The following CNTNAP2 variants were observed in gnomAD, a reference collection of about 807,000 sequenced individuals.
The protein encoded by CNTNAP2 is contactin associated protein 2, also known as contactin-associated protein-like 2.
Under a neutral mutation model 155.2 loss-of-function variants are expected in CNTNAP2, and 98 were observed. The observed-to-expected ratio is 0.63, with a 90% CI of 0.54 to 0.75. The LOEUF (loss-of-function observed/expected upper bound fraction) is 0.75. Ranked by LOEUF, CNTNAP2 falls within the 30% of genes least tolerant of loss-of-function variation. The pLI, the probability that CNTNAP2 is intolerant of heterozygous loss-of-function variation, is 0.00. For missense variants in CNTNAP2, 1,727 were observed against 1,688.1 expected, an observed-to-expected ratio of 1.02 and a Z score of -0.40; for synonymous variants, 651 against 631.2, an observed-to-expected ratio of 1.03 and a Z score of -0.47.
At chr7:146,685,542 A>G (rs1259749323) in intron 1 of CNTNAP2, among the ~76,000 whole-genome samples, 1 of 152,178 alleles carries the variant, frequency 6.6e-6, no homozygotes, top group East Asian at 1.9e-4. Context: ...TTTTGTGACT[A>G]TCTTGAGAAG....
intron 12 of CNTNAP2, among the ~76,000 whole-genome samples, chr7:147,613,124 T>C (rs965690252): frequency 5.9e-5 from 9 of 152,330 alleles, no homozygotes; most frequent in African/African-American, 2.2e-4. Flanking sequence ...AATCAGGGTA[T>C]AGGTGTTCAT....
In CNTNAP2 at chr7:147,643,362, T is replaced by A. The variant is rs75351264; in HGVS notation, c.2098+4056T>A. 4 of 152,322 alleles carry A rather than the reference T, an allele frequency of 2.6e-5. No homozygotes were observed. The East Asian group carries it at 7.7e-4, about 29-fold the overall frequency. The allele number at this position is 152,322 out of a possible 1,614,324, so 9.4% of individuals were successfully genotyped here. A position where few individuals can be genotyped will look rare whatever the true frequency, so the allele number is the denominator to read the frequency against. ...CAGCTTACCCTTCTGAGTCATTTTT[T>A]ACACTCCCAATTTTCATTTTCCAGG... On this transcript the variant is annotated intron_variant, in intron 13 of 23. Coordinates refer to ENST00000361727, the MANE Select transcript of CNTNAP2 (RefSeq NM_014141.6).
chr7:147,359,578 T>G (rs762947692), intron 9 of CNTNAP2, among the ~76,000 whole-genome samples: 7 of 152,150 alleles, frequency 4.6e-5, no homozygotes, highest in Middle Eastern at 3.2e-3. Context: ...TTGGAATGTT[T>G]CTGACCCACC....
At chr7:146,459,047 A>G (rs1261041898) in intron 1 of CNTNAP2, among the ~76,000 whole-genome samples, 1 of 152,134 alleles carries the variant, frequency 6.6e-6, no homozygotes, top group Non-Finnish European at 1.5e-5. Flanking sequence ...GCACTACTTA[A>G]CAATCAGAAG....
At chr7:147,861,382 C>CA (rs11449635) in intron 13 of CNTNAP2, among the ~76,000 whole-genome samples, 91,960 of 152,004 alleles carry the variant, frequency 0.6, 28,153 homozygotes, top group South Asian at 0.74. Flanking sequence ...CCTCATAACA[C>CA]AAAGGACAGA....
intron 1 of CNTNAP2, among the ~76,000 whole-genome samples, chr7:146,571,843 C>T (rs909732785): frequency 5.3e-5 from 8 of 151,926 alleles, no homozygotes; most frequent in Admixed American, 4.6e-4. Flanking sequence ...GTGATTCTCC[C>T]ATCTCAGGTT....
At chr7:148,327,835 C>A (rs1453972950) in intron 21 of CNTNAP2, among the ~76,000 whole-genome samples, 1 of 152,180 alleles carries the variant, frequency 6.6e-6, no homozygotes, top group Non-Finnish European at 1.5e-5. Context: ...CAGATCCCCC[C>A]ACTGCCCTGC....
chr7:147,675,501 T>A (rs1283648501), intron 13 of CNTNAP2, among the ~76,000 whole-genome samples: 1 of 152,054 alleles, frequency 6.6e-6, no homozygotes, highest in Non-Finnish European at 1.5e-5. Flanking sequence ...AGTGCTGATA[T>A]CTGAGGGCAG....
chr7:147,455,425 C>T (rs992913862), intron 10 of CNTNAP2, among the ~76,000 whole-genome samples: 8 of 152,060 alleles, frequency 5.3e-5, no homozygotes, highest in Non-Finnish European at 1.2e-4. Context: ...TAATAAATAA[C>T]AATGCCAGAA....
chr7:146,306,350 T>C (rs1800712377), intron 1 of CNTNAP2, among the ~76,000 whole-genome samples: 1 of 152,162 alleles, frequency 6.6e-6, no homozygotes. Flanking sequence ...CTTCTGAAAC[T>C]ATTCCAATCA....
chr7:147,185,691 A>G (rs999637951), intron 8 of CNTNAP2, among the ~76,000 whole-genome samples: 4 of 152,180 alleles, frequency 2.6e-5, no homozygotes, highest in African/African-American at 7.2e-5. Context: ...AACTCAAATG[A>G]GTATAAAACA....
chr7:147,160,547 C>A (rs913460784), intron 8 of CNTNAP2, among the ~76,000 whole-genome samples: 2 of 152,198 alleles, frequency 1.3e-5, no homozygotes, highest in Admixed American at 6.5e-5. Context: ...TAAACACTAG[C>A]AGCTTTATTG....
intron 1 of CNTNAP2, among the ~76,000 whole-genome samples, chr7:146,549,489 T>C (rs990741155): frequency 6.6e-6 from 1 of 152,056 alleles, no homozygotes; most frequent in Admixed American, 6.6e-5. Context: ...GAAACATTAG[T>C]CATTATTTTG....
chr7:147,085,252 A>T (rs1336100506), intron 4 of CNTNAP2, among the ~76,000 whole-genome samples: 1 of 152,098 alleles, frequency 6.6e-6, no homozygotes, highest in Non-Finnish European at 1.5e-5. Flanking sequence ...ACTGTACTGT[A>T]GGTCAGGGGT....
chr7:148,272,919 C>T (rs1010068718), intron 21 of CNTNAP2, among the ~76,000 whole-genome samples: 3 of 152,216 alleles, frequency 2.0e-5, no homozygotes, highest in African/African-American at 2.4e-5. Flanking sequence ...ATTTGAGAGA[C>T]GAGAGAATCA....
At chr7:148,059,343 C>G (rs1803086325) in intron 15 of CNTNAP2, among the ~76,000 whole-genome samples, 1 of 151,938 alleles carries the variant, frequency 6.6e-6, no homozygotes, top group Non-Finnish European at 1.5e-5. Context: ...ATAATCCCAG[C>G]ACTTTTGGAG....
chr7:147,944,691 G>T (rs1170332680), intron 14 of CNTNAP2, among the ~76,000 whole-genome samples: 1 of 152,168 alleles, frequency 6.6e-6, no homozygotes, highest in Non-Finnish European at 1.5e-5. Flanking sequence ...TTTTCCTTAA[G>T]CATCCATTCC....
At chr7:147,490,770 T>C (rs1798594118) in intron 11 of CNTNAP2, among the ~76,000 whole-genome samples, 1 of 152,112 alleles carries the variant, frequency 6.6e-6, no homozygotes, top group Non-Finnish European at 1.5e-5. Flanking sequence ...GACTGGATAA[T>C]TTAGAAAGAA....
At chr7:147,690,198 G>A (rs942517377) in intron 13 of CNTNAP2, among the ~76,000 whole-genome samples, 9 of 152,052 alleles carry the variant, frequency 5.9e-5, no homozygotes, top group African/African-American at 2.2e-4. Flanking sequence ...ACCTTGCTCG[G>A]CTGGCAGTTT....
Sources: allele counts gnomAD v4.1 joint callset (sites outside exome capture counted in the v4.1 genomes callset), GRCh38; gene constraint gnomAD v4.1.1; transcripts MANE v1.5; gene names NCBI Gene and HGNC (gene_info 2026-07-23, HGNC 2026-07-21).